TNK2: variants seen among roughly 807,000 people sequenced by gnomAD.
TNK2 encodes tyrosine kinase non receptor 2, also known as activated CDC42 kinase 1.
A neutral mutation model predicts 101.8 loss-of-function variants in TNK2; 83 were observed. The ratio of observed to expected loss-of-function variants is 0.82; its 90% CI spans 0.68 to 0.98. The LOEUF is 0.98. Ranked by LOEUF, TNK2 falls within the 50% of genes least tolerant of loss-of-function variation. TNK2 has a pLI of 0.00. For synonymous variants in TNK2, 804 were observed against 633.0 expected, an observed-to-expected ratio of 1.27 and a Z score of -4.06; for missense variants, 1,665 against 1,483.2, an observed-to-expected ratio of 1.12 and a Z score of -2.01.
At chr3:195,875,789 C>T (rs765582231) in intron 9 of TNK2, among the ~76,000 whole-genome samples, 5 of 152,188 alleles carry the variant, frequency 3.3e-5, no homozygotes, top group Non-Finnish European at 5.9e-5. Flanking sequence ...AACACCTCCG[C>T]ATGAACCTTC....
intron 9 of TNK2, chr3:195,876,481 G>T (rs1291053439): frequency 2.2e-6 from 1 of 456,858 alleles, no homozygotes; most frequent in East Asian, 6.9e-5. Flanking sequence ...GACGGAGGCA[G>T]CCAAACAAAC....
rs768435264 is a variant in TNK2, at chr3:195,867,898, G to A, written c.2400C>T (p.Ser800=). 5.2e-6 allele frequency: 8 copies of A among 1,532,850 alleles called. No homozygotes were observed. In the East Asian group the frequency reaches 6.8e-5, roughly 13 times the overall value. The allele number at this position is 1,532,850 out of a possible 1,614,324, so 95.0% of individuals were successfully genotyped here. A position where few individuals can be genotyped will look rare whatever the true frequency, so the allele number is the denominator to read the frequency against. The change falls in exon 13 of 16, where the codon TCC becomes TCT. Residue 800 remains serine (S), a synonymous_variant. Coordinates refer to ENST00000672887, the MANE Select transcript of TNK2 (RefSeq NM_001382273.1). The part of the protein sequence containing the change: ...PPRVPPREPL[S]PQGSRTPSPL... Reference sequence around the variant, plus strand: ...GGCTGGGTGTCCTCGAGCCTTGAGGGGACAGGGGCTCCCGCGGAGGCACCC... The same window carrying A: ...GGCTGGGTGTCCTCGAGCCTTGAGGAGACAGGGGCTCCCGCGGAGGCACCC...
intron 15 of TNK2, among the ~76,000 whole-genome samples, chr3:195,865,739 T>C (rs1420736677): frequency 6.6e-6 from 1 of 151,504 alleles, no homozygotes; most frequent in South Asian, 2.1e-4. Flanking sequence ...AGGGAGTGCC[T>C]GCATCCCAGC....
intron 9 of TNK2, among the ~76,000 whole-genome samples, chr3:195,875,644 G>A (rs927533892): frequency 2.7e-5 from 3 of 109,674 alleles, no homozygotes; most frequent in African/African-American, 1.7e-4. Context: ...TTCCAGGCCC[G>A]CCCTGTCCGC....
chr3:195,901,337 G>C (rs966586397), intron 1 of TNK2, among the ~76,000 whole-genome samples: 1 of 152,202 alleles, frequency 6.6e-6, no homozygotes, highest in Admixed American at 6.5e-5. Context: ...CCACAGGGTA[G>C]GGGGAGAGCC....
At position 195,864,044 on chromosome 3, in the gene TNK2, C is replaced by G. The variant is rs755009173; in HGVS notation, c.*137G>C. On this transcript the variant is annotated 3_prime_UTR_variant, in exon 16 of 16. Coordinates refer to ENST00000672887, the MANE Select transcript of TNK2 (RefSeq NM_001382273.1). ...GGCAGGGCTCCCAGCCTCCCGCAGC[C>G]TTGGCCTTGCTCCATCCCCGGGAGC... The G allele has an allele frequency of 1.2e-5, 14 of 1,216,962 alleles. No individual in the cohort carries two copies. Among genetic ancestry groups the G allele is most frequent in the Non-Finnish European group, 1.5e-5 (13 of 844,600 alleles). 75.4% of individuals were successfully genotyped at this position (1,216,962 alleles called of 1,614,324 possible). A position where few individuals can be genotyped will look rare whatever the true frequency, so the allele number is the denominator to read the frequency against.
At chr3:195,870,706 A>C (rs933236360) in intron 10 of TNK2, among the ~76,000 whole-genome samples, 1 of 152,228 alleles carries the variant, frequency 6.6e-6, no homozygotes, top group Non-Finnish European at 1.5e-5. Flanking sequence ...AGTATCTGAG[A>C]CTTAGTCACT....
Position 195,868,081 on chromosome 3 carries a change from G to GGAGCCGGCCGGA in TNK2, c.2205_2216dup (p.Gly738_Ala741dup). ...CCCCCGGGCTGGGAGAGGGGGCCGG[G>GGAGCCGGCCGGA]GAGCCGGCCGGAGCCTGCAGTTGCC... On this transcript the variant is annotated inframe_insertion, in exon 13 of 16. Transcript: ENST00000672887. 1 of 1,609,208 alleles carries GGAGCCGGCCGGA rather than the reference G, an allele frequency of 6.2e-7. No homozygotes were observed. Among genetic ancestry groups the GGAGCCGGCCGGA allele is most frequent in the Non-Finnish European group, 8.5e-7 (1 of 1,178,876 alleles).
chr3:195,882,238 C>A lies in TNK2; in HGVS notation c.700G>T (p.Val234Leu). The A allele has an allele frequency of 6.2e-7, 1 of 1,613,794 alleles. No individual in the cohort carries two copies. The highest frequency in any genetic ancestry group is 1.6e-4 in the Middle Eastern group (1 of 6,062). ...FLLGTLSRYA[V>L]QVAEGMGYLE... ...TAGCCCATGCCCTCAGCCACCTGCA[C>A]AGCGTAGCGGCTCAGAGTCCCCAGG... The change falls in exon 6 of 16, where the codon GTG (valine) becomes TTG (leucine). Residue 234 changes from valine (V) to leucine (L), a missense_variant. This residue lies in a region of TNK2 where 490 missense variants were observed against 522.5 expected (regional missense o/e 0.94). Transcript: ENST00000672887. This position sits in a 1 kb window ranked among gnomAD's most constrained non-coding sequence, Gnocchi z 4.2.
intron 9 of TNK2, chr3:195,872,821 G>A (rs929212870): frequency 8.0e-6 from 2 of 249,576 alleles, no homozygotes; most frequent in Admixed American, 1.0e-4. Context: ...TTTCAGGTCT[G>A]TGGGGCCAGC....
At chr3:195,904,612 T>C (rs1308987847) in intron 1 of TNK2, among the ~76,000 whole-genome samples, 1 of 152,220 alleles carries the variant, frequency 6.6e-6, no homozygotes, top group African/African-American at 2.4e-5. Context: ...TGGATGCTGG[T>C]GACGGCTGTG....
rs1179210390 is a variant in TNK2 at position 195,886,852 on chromosome 3, C to T, written c.234+125G>A. ...AGACCCTGGACGAGGGGGTCCTGTACAAAGTGCCGGCAGAACGGCGAGATT... is the reference window on the plus strand; with the variant it reads ...AGACCCTGGACGAGGGGGTCCTGTATAAAGTGCCGGCAGAACGGCGAGATT... On this transcript the variant is annotated intron_variant, in intron 3 of 15. Transcript: ENST00000672887. The surrounding 1 kb of genome is among the most constrained non-coding windows in gnomAD (Gnocchi z 4.2). The T allele has an allele frequency of 2.8e-6, 3 of 1,066,572 alleles. No individual in the cohort carries two copies. The highest frequency in any genetic ancestry group is 1.6e-5 in the African/African-American group (1 of 64,042). 66.1% of individuals were successfully genotyped at this position (1,066,572 alleles called of 1,614,324 possible).
In TNK2 at chr3:195,885,099, C is replaced by G; in HGVS notation, c.235-66G>C. 6.9e-7 allele frequency: 1 copy of G among 1,450,948 alleles called. No homozygotes were observed. The highest frequency in any genetic ancestry group is 1.4e-5 in the South Asian group (1 of 72,906). 89.9% of individuals were successfully genotyped at this position (1,450,948 alleles called of 1,614,324 possible). On this transcript the variant is annotated intron_variant, in intron 3 of 15. Transcript: ENST00000672887. The surrounding 1 kb of genome is among the most constrained non-coding windows in gnomAD (Gnocchi z 4.7). ...CCAGGGTCAGTCACTCAGTCCCACC[C>G]CGCTGGGTCCACCTGGTGATCCCCG...
chr3:195,885,373 C>T lies in TNK2; in HGVS notation c.235-340G>A. The T allele has an allele frequency of 7.4e-7, 1 of 1,359,652 alleles. No individual in the cohort carries two copies. The highest frequency in any genetic ancestry group is 1.3e-5 in the South Asian group (1 of 74,876). The allele number at this position is 1,359,652 out of a possible 1,614,324, so 84.2% of individuals were successfully genotyped here. ...TCTCCTCCCAGTCCTGCCCCACCCT[C>T]CCTTCCTGCACCCGCCACCCCGCAG... On this transcript the variant is annotated intron_variant, in intron 3 of 15. Transcript: ENST00000672887. The surrounding 1 kb of genome is among the most constrained non-coding windows in gnomAD (Gnocchi z 4.7).
intron 9 of TNK2, among the ~76,000 whole-genome samples, chr3:195,877,565 A>C (rs1750111298): frequency 6.6e-6 from 1 of 152,190 alleles, no homozygotes; most frequent in Non-Finnish European, 1.5e-5. Context: ...CCCCTGCCTC[A>C]AAGGTACCTG....
chr3:195,866,781 T>C (rs1174597142), intron 15 of TNK2, 108 bp downstream of exon 15: 3 of 1,466,462 alleles, frequency 2.0e-6, no homozygotes, highest in South Asian at 2.6e-5. Context: ...GAGCTGTGTC[T>C]CCCTGGCCGG....
At position 195,895,284 on chromosome 3, in the gene TNK2, C is replaced by T. The variant is rs1470072167; in HGVS notation, c.-18-6678G>A. ...TCGCCCCCAGCCAGGCGCTGGTAAG[C>T]AGATCTCTCCCCCATGGAGCCCCAA... On this transcript the variant is annotated intron_variant, in intron 1 of 15. Transcript: ENST00000672887. 3.2e-6 allele frequency: 5 copies of T among 1,569,546 alleles called. No homozygotes were observed. The highest frequency in any genetic ancestry group is 4.3e-6 in the Non-Finnish European group (5 of 1,159,688).
At chr3:195,866,755 C>T (rs1741134204) in intron 15 of TNK2, 134 bp downstream of exon 15, 10 of 1,322,424 alleles carry the variant, frequency 7.6e-6, no homozygotes, top group African/African-American at 3.0e-5. Flanking sequence ...GTGAGCGCCT[C>T]CCTCCCGCAG....
chr3:195,867,297 G>A (rs757616168), intron 13 of TNK2, 33 bp from the exon 14 acceptor site: 2 of 1,611,806 alleles, frequency 1.2e-6, no homozygotes, highest in Non-Finnish European at 8.5e-7. Context: ...GCACCACTAG[G>A]GCCCACTGCT....
Sources: gnomAD v4.1 joint callset for allele counts (sites outside exome capture counted in the v4.1 genomes callset) on GRCh38, gnomAD v4.1.1 for gene constraint, gnomAD v4.1.1 regional missense constraint, Gnocchi (gnomAD v3.1) non-coding constraint, MANE v1.5 for transcripts, NCBI Gene and HGNC (gene_info 2026-07-23, HGNC 2026-07-21) for gene names.